The following TAFA2 variants were observed in gnomAD, a reference collection of about 807,000 sequenced individuals.
TAFA2 encodes the protein chemokine-like protein TAFA-2.
TAFA2 carries 7 observed loss-of-function variants against 18.8 expected under a neutral mutation model. That is an observed-to-expected ratio of 0.37 (90% CI 0.21 to 0.70). The LOEUF is 0.70. TAFA2 is among the 30% of genes least tolerant of loss of function. The pLI, the probability that TAFA2 is intolerant of heterozygous loss-of-function variation, is 0.53. For missense variants in TAFA2, 122 were observed against 158.1 expected (o/e 0.77, Z 1.23); for synonymous variants, 60 against 54.2 (o/e 1.11, Z -0.47).
intron 1 of TAFA2, among the ~76,000 whole-genome samples, chr12:61,909,226 G>T (rs1477890395): frequency 2.9e-4 from 44 of 152,166 alleles, no homozygotes; most frequent in Non-Finnish European, 1.5e-5. Context: ...GTGTAAAAAT[G>T]GAGGTGAGTA....
intron 2 of TAFA2, among the ~76,000 whole-genome samples, chr12:61,794,763 A>C (rs1444883360): frequency 6.6e-6 from 1 of 152,160 alleles, no homozygotes; most frequent in South Asian, 2.1e-4. Flanking sequence ...TCTGCACAGC[A>C]AAAGAAACCA....
chr12:62,037,349 A>G (rs1156812345), intron 1 of TAFA2, among the ~76,000 whole-genome samples: 1 of 152,226 alleles, frequency 6.6e-6, no homozygotes, highest in Non-Finnish European at 1.5e-5. Context: ...GAATAATACC[A>G]AAAGAATCCT....
Position 62,062,606 on chromosome 12 carries a change from T to G in TAFA2, c.-2+128653A>C, listed in dbSNP as rs149177119. The stretch of plus-strand genomic sequence containing the variant: ...CACACCTGTATCCATTTTCTGTTGT[T>G]GCCATAACAAATTAACACAAACTTA... On this transcript the variant is annotated intron_variant, in intron 1 of 4. Coordinates refer to ENST00000416284, the MANE Select transcript of TAFA2 (RefSeq NM_178539.5). 1.1e-3 allele frequency among the ~76,000 whole-genome samples: 167 copies of G among 152,318 alleles called. 1 individual carries two copies. The highest frequency in any genetic ancestry group is 3.5e-3 in the African/African-American group (144 of 41,572).
chr12:61,979,914 T>C lies in TAFA2; in HGVS notation c.-1-112488A>G, dbSNP rs1438055164. Among the ~76,000 whole-genome samples the C allele has an allele frequency of 2.0e-5, 3 of 152,034 alleles. No homozygotes were observed. The South Asian group carries it at 6.2e-4, about 32-fold the overall frequency. On this transcript the variant is annotated intron_variant, in intron 1 of 4. Transcript: ENST00000416284. ...AATAAATAAGAAAAATTAACCACCC[T>C]CTTTGTCCCTCTCCCACCCCATATC...
intron 4 of TAFA2, among the ~76,000 whole-genome samples, chr12:61,736,878 T>G: frequency 6.6e-6 from 1 of 152,018 alleles, no homozygotes; most frequent in East Asian, 1.9e-4. Context: ...AAAACATTTC[T>G]GAAATCCACT....
intron 1 of TAFA2, among the ~76,000 whole-genome samples, chr12:61,889,784 G>C (rs995383278): frequency 1.3e-5 from 2 of 152,148 alleles, no homozygotes; most frequent in East Asian, 3.9e-4. Context: ...CTGTCATTTA[G>C]AGACTTTTTA....
intron 1 of TAFA2, among the ~76,000 whole-genome samples, chr12:61,899,974 C>T (rs1433265631): frequency 6.6e-6 from 1 of 152,156 alleles, no homozygotes; most frequent in African/African-American, 2.4e-5. Flanking sequence ...TAAAATCAAT[C>T]CTCCTCGAAT....
At chr12:61,730,606 G>A (rs192935457) in intron 4 of TAFA2, among the ~76,000 whole-genome samples, 14 of 152,208 alleles carry the variant, frequency 9.2e-5, no homozygotes, top group Non-Finnish European at 1.8e-4. Context: ...GTGGTATGGG[G>A]ATGTGGTTCT....
chr12:62,138,761 G>C (rs912888407), intron 1 of TAFA2, among the ~76,000 whole-genome samples: 5 of 152,102 alleles, frequency 3.3e-5, no homozygotes, highest in African/African-American at 1.2e-4. Flanking sequence ...ACAACCAAAG[G>C]GCTCCTGCAT....
At chr12:62,189,706 CTTAAA>C (rs2062609441) in intron 1 of TAFA2, among the ~76,000 whole-genome samples, 1 of 152,114 alleles carries the variant, frequency 6.6e-6, no homozygotes, top group Non-Finnish European at 1.5e-5. Context: ...ACACAAAAAT[CTTAAA>C]TTAATTGTTC....
chr12:61,884,523 C>T (rs1360321643), intron 1 of TAFA2, among the ~76,000 whole-genome samples: 1 of 152,140 alleles, frequency 6.6e-6, no homozygotes, highest in Non-Finnish European at 1.5e-5. Context: ...GAATGCCTCT[C>T]TCAATATTAG....
chr12:61,870,985 C>A (rs535456683), intron 1 of TAFA2, among the ~76,000 whole-genome samples: 1 of 152,262 alleles, frequency 6.6e-6, no homozygotes, highest in African/African-American at 2.4e-5. Flanking sequence ...AGCTTAATAG[C>A]TGGTAAATAA....
chr12:62,065,097 A>G (rs915342207), intron 1 of TAFA2, among the ~76,000 whole-genome samples: 1 of 152,070 alleles, frequency 6.6e-6, no homozygotes, highest in East Asian at 1.9e-4. Flanking sequence ...TTAAAATCAC[A>G]CAGCCTTGTT....
intron 1 of TAFA2, among the ~76,000 whole-genome samples, chr12:61,868,749 C>T (rs1446781902): frequency 6.6e-6 from 1 of 151,982 alleles, no homozygotes; most frequent in Non-Finnish European, 1.5e-5. Context: ...CATTTCTTAG[C>T]TTGAGGAGGT....
intron 1 of TAFA2, among the ~76,000 whole-genome samples, chr12:62,084,444 G>A (rs994481764): frequency 3.9e-5 from 6 of 152,138 alleles, no homozygotes; most frequent in African/African-American, 1.4e-4. Flanking sequence ...AAGGAGGGAA[G>A]GGTCTCTTGG....
chr12:61,752,565 A>T (rs548579993), intron 4 of TAFA2, among the ~76,000 whole-genome samples: 1 of 152,144 alleles, frequency 6.6e-6, no homozygotes, highest in East Asian at 1.9e-4. Context: ...AAAAGGTGTG[A>T]CACTTAGCTA....
At chr12:61,896,086 A>G (rs1430895382) in intron 1 of TAFA2, among the ~76,000 whole-genome samples, 1 of 152,122 alleles carries the variant, frequency 6.6e-6, no homozygotes, top group Non-Finnish European at 1.5e-5. Flanking sequence ...GGAGGGGAGA[A>G]AAGGAATACA....
chr12:62,073,572 T>C (rs1882689163), intron 1 of TAFA2, among the ~76,000 whole-genome samples: 1 of 152,000 alleles, frequency 6.6e-6, no homozygotes, highest in Non-Finnish European at 1.5e-5. Context: ...CTTATCTATA[T>C]ATTATAGATA....
Position 61,967,419 on chromosome 12 carries a change from G to A in TAFA2, c.-1-99993C>T, listed in dbSNP as rs553415417. Among the ~76,000 whole-genome samples the A allele has an allele frequency of 1.4e-4, 22 of 151,918 alleles. No homozygotes were observed. The East Asian group carries it at 4.1e-3, about 28-fold the overall frequency. On this transcript the variant is annotated intron_variant, in intron 1 of 4. Transcript: ENST00000416284. ...ATAAATGTAATGGGTAAGTTAAAGA[G>A]AATCTCATAGCCATTCATCATGCAC...
Sources: allele counts gnomAD v4.1 joint callset (sites outside exome capture counted in the v4.1 genomes callset), GRCh38; gene constraint gnomAD v4.1.1; transcripts MANE v1.5; gene names NCBI Gene and HGNC (gene_info 2026-07-23, HGNC 2026-07-21).